Variants in GRID2 observed in about 807,000 individuals in gnomAD.
GRID2 encodes glutamate receptor ionotropic, delta-2.
In GRID2, 33 loss-of-function variants were observed where a neutral mutation model predicts 114.8. The ratio of observed to expected loss-of-function variants is 0.29; its 90% CI spans 0.22 to 0.38. GRID2 has a LOEUF of 0.38. Among genes scored for constraint, GRID2 ranks in the 10% least tolerant of loss-of-function variants. The probability of loss-of-function intolerance (pLI) is 1.00; values close to 1 mark genes in which losing one functional copy is unlikely to be tolerated. For missense variants in GRID2, 1,184 were observed against 1,257.7 expected, an observed-to-expected ratio of 0.94 and a Z score of 0.89; for synonymous variants, 505 against 449.9, an observed-to-expected ratio of 1.12 and a Z score of -1.55.
At chr4:92,861,309 G>A (rs1015480140) in intron 2 of GRID2, among the ~76,000 whole-genome samples, 3 of 152,080 alleles carry the variant, frequency 2.0e-5, no homozygotes, top group East Asian at 1.9e-4. Context: ...TCTCCCTATC[G>A]AAAAGTCACC....
At chr4:92,455,780 C>T (rs1296579581) in intron 1 of GRID2, among the ~76,000 whole-genome samples, 1 of 152,076 alleles carries the variant, frequency 6.6e-6, no homozygotes, top group African/African-American at 2.4e-5. Flanking sequence ...TTTTGTTATG[C>T]TTGTGGAGGG....
intron 7 of GRID2, among the ~76,000 whole-genome samples, chr4:93,238,043 A>T (rs1002852734): frequency 5.3e-5 from 8 of 151,834 alleles, no homozygotes; most frequent in Non-Finnish European, 1.0e-4. Context: ...GATCCATTCA[A>T]GTCACAAGGT....
chr4:93,545,892 T>A (rs1286027232), intron 13 of GRID2, among the ~76,000 whole-genome samples: 1 of 152,118 alleles, frequency 6.6e-6, no homozygotes, highest in South Asian at 2.1e-4. Flanking sequence ...AAACCAGGAT[T>A]AGCAACACAA....
At chr4:93,294,526 C>A (rs1258665099) in intron 8 of GRID2, among the ~76,000 whole-genome samples, 3 of 152,110 alleles carry the variant, frequency 2.0e-5, no homozygotes, top group Admixed American at 6.5e-5. Flanking sequence ...GATATTAATG[C>A]AATAAGTAAA....
At chr4:92,470,999 G>C (rs544928695) in intron 1 of GRID2, among the ~76,000 whole-genome samples, 1 of 151,920 alleles carries the variant, frequency 6.6e-6, no homozygotes, top group Non-Finnish European at 1.5e-5. Flanking sequence ...AGGTTGTGTA[G>C]TATATTGTAA....
At chr4:93,104,667 G>A (rs1443718310) in intron 3 of GRID2, among the ~76,000 whole-genome samples, 3 of 152,064 alleles carry the variant, frequency 2.0e-5, no homozygotes, top group South Asian at 2.1e-4. Context: ...ATAGTATTCC[G>A]TGGTGTATAT....
At chr4:93,077,255 G>A (rs554806808) in intron 2 of GRID2, among the ~76,000 whole-genome samples, 2 of 152,294 alleles carry the variant, frequency 1.3e-5, no homozygotes, top group African/African-American at 4.8e-5. Context: ...AAACAAAAGT[G>A]AAGAAATAAT....
intron 2 of GRID2, among the ~76,000 whole-genome samples, chr4:92,683,824 A>C (rs1733769795): frequency 6.6e-6 from 1 of 151,890 alleles, no homozygotes; most frequent in Admixed American, 6.6e-5. Flanking sequence ...AATCTTTCTT[A>C]ATTTTTAAAT....
At chr4:92,889,528 C>T (rs1362017387) in intron 2 of GRID2, among the ~76,000 whole-genome samples, 1 of 152,088 alleles carries the variant, frequency 6.6e-6, no homozygotes, top group African/African-American at 2.4e-5. Flanking sequence ...ATAATTGCTA[C>T]AAAGAGAATA....
rs553127085 is a variant in GRID2, at chr4:93,216,353, T to C, written c.790-385T>C. 1.1e-4 allele frequency among the ~76,000 whole-genome samples: 17 copies of C among 152,166 alleles called. 1 individual carries two copies. The highest frequency in any genetic ancestry group is 9.8e-4 in the Admixed American group (15 of 15,250). ...CTTACATGGCAATTACCTTCCTAGA[T>C]ACTCAAAGTAATAGTATTAATTAAT... On this transcript the variant is annotated intron_variant, in intron 5 of 15. Transcript: ENST00000282020.
chr4:92,607,471 G>T (rs1729514034), intron 2 of GRID2, among the ~76,000 whole-genome samples: 1 of 151,750 alleles, frequency 6.6e-6, no homozygotes, highest in Non-Finnish European at 1.5e-5. Flanking sequence ...AAGTTACTGG[G>T]GGTGGGGAAG....
chr4:92,874,729 G>A (rs181052907), intron 2 of GRID2, among the ~76,000 whole-genome samples: 101 of 152,266 alleles, frequency 6.6e-4, no homozygotes, highest in South Asian at 2.1e-3. Flanking sequence ...CGCCATGAGC[G>A]TTTGGGGACT....
intron 1 of GRID2, among the ~76,000 whole-genome samples, chr4:92,331,690 CCAGA>C (rs1324764858): frequency 6.6e-6 from 1 of 152,094 alleles, no homozygotes; most frequent in Non-Finnish European, 1.5e-5. Flanking sequence ...CCCTATTGAG[CCAGA>C]CAATTTTTTT....
intron 2 of GRID2, among the ~76,000 whole-genome samples, chr4:93,021,121 T>G (rs931481982): frequency 6.6e-6 from 1 of 151,936 alleles, no homozygotes; most frequent in Non-Finnish European, 1.5e-5. Flanking sequence ...AATTGATAAT[T>G]GATATTTCAG....
At chr4:92,363,528 C>G (rs922392088) in intron 1 of GRID2, among the ~76,000 whole-genome samples, 2 of 151,978 alleles carry the variant, frequency 1.3e-5, no homozygotes, top group Non-Finnish European at 2.9e-5. Flanking sequence ...TACACAATGA[C>G]TGAAAGGATT....
intron 8 of GRID2, among the ~76,000 whole-genome samples, chr4:93,248,204 TA>T (rs1748423473): frequency 6.6e-6 from 1 of 152,194 alleles, no homozygotes. Context: ...TAGTGGTAAC[TA>T]ATGTTCAGGA....
chr4:92,661,913 G>T (rs755496173), intron 2 of GRID2, among the ~76,000 whole-genome samples: 2 of 150,870 alleles, frequency 1.3e-5, no homozygotes, highest in Non-Finnish European at 3.0e-5. Context: ...GCTTAATTTT[G>T]AATAACTAAA....
intron 1 of GRID2, among the ~76,000 whole-genome samples, chr4:93,781,208 T>C (rs1734471366): frequency 6.6e-6 from 1 of 152,148 alleles, no homozygotes; most frequent in Admixed American, 6.5e-5. Context: ...ATTGGGAGCA[T>C]GAATGATGAA....
intron 2 of GRID2, among the ~76,000 whole-genome samples, chr4:92,832,842 C>A (rs949264228): frequency 6.6e-6 from 1 of 152,116 alleles, no homozygotes; most frequent in Non-Finnish European, 1.5e-5. Flanking sequence ...TTTGCCTGCA[C>A]TTTTTCTCTA....
Sources: allele counts gnomAD v4.1 joint callset (sites outside exome capture counted in the v4.1 genomes callset), GRCh38; gene constraint gnomAD v4.1.1; transcripts MANE v1.5; gene names NCBI Gene and HGNC (gene_info 2026-07-23, HGNC 2026-07-21).